Variants in ARID1B observed in about 807,000 individuals in gnomAD.
ARID1B encodes the protein AT-rich interaction domain 1B, also known as AT-rich interactive domain-containing protein 1B.
In ARID1B, 30 loss-of-function variants were observed where a neutral mutation model predicts 212.3. The observed-to-expected ratio is 0.14, with a 90% CI of 0.11 to 0.19. The LOEUF (loss-of-function observed/expected upper bound fraction) is 0.19. Among genes scored for constraint, ARID1B ranks in the 10% least tolerant of loss-of-function variants. The pLI, the probability that ARID1B is intolerant of heterozygous loss-of-function variation, is 1.00. For synonymous variants in ARID1B, 1,402 were observed against 1,301.7 expected, an observed-to-expected ratio of 1.08 and a Z score of -1.66; for missense variants, 2,891 against 3,204.0, an observed-to-expected ratio of 0.90 and a Z score of 2.36.
At chr6:157,180,549 A>G (rs1792436810) in intron 11 of ARID1B, among the ~76,000 whole-genome samples, 1 of 152,208 alleles carries the variant, frequency 6.6e-6, no homozygotes, top group South Asian at 2.1e-4. Context: ...AAGGAAAAGT[A>G]GGAGTCCATT....
intron 4 of ARID1B, among the ~76,000 whole-genome samples, chr6:157,058,224 A>C (rs890801719): frequency 6.6e-6 from 1 of 151,938 alleles, no homozygotes; most frequent in Non-Finnish European, 1.5e-5. Flanking sequence ...CTTTTCTCTA[A>C]ATTATTATCA....
Position 157,208,566 on chromosome 6 carries a change from C to T in ARID1B, c.*675C>T, listed in dbSNP as rs1794624014. ...ACGATCCGGAAACTGCTCCTCACCA[C>T]TCCCGTCATGCCTGCTGTCGGCGTT... On this transcript the variant is annotated 3_prime_UTR_variant, in exon 20 of 20. Coordinates refer to ENST00000636930, the MANE Select transcript of ARID1B (RefSeq NM_001374828.1). 2 of 233,068 alleles carry T rather than the reference C, an allele frequency of 8.6e-6. No individual in the cohort carries two copies. Among genetic ancestry groups the T allele is most frequent in the Non-Finnish European group, 1.7e-5 (2 of 117,754 alleles). The allele number at this position is 233,068 out of a possible 1,614,324, so 14.4% of individuals were successfully genotyped here.
chr6:156,778,096 G>T lies in ARID1B; in HGVS notation c.416G>T (p.Gly139Val). The change falls in exon 1 of 20, where the codon GGC becomes GTC. Residue 139 changes from glycine to valine, a missense_variant. By Grantham distance (109) the Gly-to-Val change is moderately radical. Transcript: ENST00000636930. ...AASSSSSSGP[G>V]SAMETGLLPN... ...TCCTCTTCCTCCTCGTCGGGCCCGG[G>T]CTCGGCCATGGAGACGGGGCTGCTC... The T allele has an allele frequency of 1.3e-6, 2 of 1,540,382 alleles. No homozygotes were observed. The highest frequency in any genetic ancestry group is 8.7e-7 in the Non-Finnish European group (1 of 1,146,236).
At position 156,778,981 on chromosome 6, in the gene ARID1B, G is replaced by GC; in HGVS notation, c.1301_1302insC (p.Gly435ArgfsTer183). 7.8e-7 allele frequency: 1 copy of GC among 1,274,840 alleles called. No individual in the cohort carries two copies. The highest frequency in any genetic ancestry group is 9.8e-7 in the Non-Finnish European group (1 of 1,020,918). 79.0% of individuals were successfully genotyped at this position (1,274,840 alleles called of 1,614,324 possible). The stretch of plus-strand genomic sequence containing the variant: ...GCCGCGGCGGCGGCGGCAGCAGCAG[G>GC]AGGCGGCGGCGGCGGCGGCTATGGG... On this transcript the variant is annotated frameshift_variant, in exon 1 of 20. Transcript: ENST00000636930. LOFTEE classifies it high-confidence loss of function.
chr6:157,049,337 G>C (rs550095687), intron 4 of ARID1B, among the ~76,000 whole-genome samples: 1 of 152,136 alleles, frequency 6.6e-6, no homozygotes, highest in Non-Finnish European at 1.5e-5. Flanking sequence ...TGGTAGCTGG[G>C]CAGTTTTCTC....
At chr6:157,023,172 ATAC>A (rs1287986043) in intron 4 of ARID1B, 1 of 152,208 alleles carries the variant, frequency 6.6e-6, no homozygotes, top group East Asian at 1.9e-4. Context: ...AGTGAGTTGC[ATAC>A]TAGGATATAC....
chr6:156,801,688 C>CT (rs533562206), intron 1 of ARID1B, among the ~76,000 whole-genome samples: 11 of 150,442 alleles, frequency 7.3e-5, no homozygotes, highest in African/African-American at 1.5e-4. Flanking sequence ...TGTGTTTTTG[C>CT]TTTTTTTTTA....
chr6:156,779,577 C>T (rs1180797444), intron 1 of ARID1B, 106 bp downstream of exon 1: 177 of 1,105,446 alleles, frequency 1.6e-4, no homozygotes, highest in Non-Finnish European at 1.9e-4. Flanking sequence ...CCCGCGGGGG[C>T]GGCGGGGGCG....
At chr6:156,833,359 A>G (rs1783275585) in intron 2 of ARID1B, among the ~76,000 whole-genome samples, 1 of 152,232 alleles carries the variant, frequency 6.6e-6, no homozygotes, top group Admixed American at 6.5e-5. Flanking sequence ...AGATTTTAAT[A>G]TAAAACGGCA....
chr6:156,834,483 C>G (rs1297348358), intron 2 of ARID1B, among the ~76,000 whole-genome samples: 1 of 152,162 alleles, frequency 6.6e-6, no homozygotes, highest in African/African-American at 2.4e-5. Flanking sequence ...AAAAACAGAA[C>G]ATTCATGTGA....
intron 4 of ARID1B, among the ~76,000 whole-genome samples, chr6:156,970,830 G>C (rs1470639173): frequency 1.3e-5 from 2 of 152,218 alleles, no homozygotes; most frequent in African/African-American, 4.8e-5. Flanking sequence ...CCCATCTTAT[G>C]CTGGACTCAG....
At chr6:157,123,187 T>A (rs1787868912) in intron 6 of ARID1B, among the ~76,000 whole-genome samples, 1 of 140,830 alleles carries the variant, frequency 7.1e-6, no homozygotes, top group Non-Finnish European at 1.6e-5. Flanking sequence ...TCTTTCTCTG[T>A]CTCTGTCTCT....
intron 2 of ARID1B, among the ~76,000 whole-genome samples, chr6:156,866,993 A>G (rs1213247323): frequency 6.6e-6 from 1 of 152,230 alleles, no homozygotes; most frequent in Admixed American, 6.5e-5. Flanking sequence ...TTCCCTGTAC[A>G]TGAATAGCTC....
intron 5 of ARID1B, among the ~76,000 whole-genome samples, chr6:157,086,722 GCT>G (rs1448148832): frequency 2.0e-5 from 3 of 152,246 alleles, no homozygotes; most frequent in Admixed American, 6.5e-5. Flanking sequence ...CAACAGAAAA[GCT>G]CACTTCGGGC....
intron 4 of ARID1B, among the ~76,000 whole-genome samples, chr6:157,049,079 C>A (rs1782420906): frequency 6.7e-6 from 1 of 150,360 alleles, no homozygotes. Flanking sequence ...GAGGCTGAGG[C>A]ACAAGAATCA....
intron 2 of ARID1B, among the ~76,000 whole-genome samples, chr6:156,897,191 A>ACTGCTGCTGCTGCTGCTGCTGCTG (rs576037969): frequency 6.2e-5 from 7 of 112,104 alleles, no homozygotes; most frequent in African/African-American, 2.0e-4. Flanking sequence ...TGCTGCTGCT[A>ACTGCTGCTGCTGCTGCTGCTGCTG]CTGCTGCTGC....
At chr6:157,154,969 G>T (rs574663826) in intron 8 of ARID1B, among the ~76,000 whole-genome samples, 1 of 152,092 alleles carries the variant, frequency 6.6e-6, no homozygotes, top group East Asian at 1.9e-4. Flanking sequence ...ATATCTAGTG[G>T]CAATCCTGCT....
At chr6:156,965,442 A>G (rs1794675045) in intron 4 of ARID1B, among the ~76,000 whole-genome samples, 1 of 152,236 alleles carries the variant, frequency 6.6e-6, no homozygotes, top group South Asian at 2.1e-4. Context: ...GGTGTCACTT[A>G]AGAAAAGTCA....
intron 2 of ARID1B, among the ~76,000 whole-genome samples, chr6:156,885,155 A>C (rs545284838): frequency 7.2e-5 from 11 of 152,148 alleles, no homozygotes; most frequent in Admixed American, 5.2e-4. Context: ...TCAGAACTAA[A>C]ATATTTTAGC....
Sources: gnomAD v4.1 joint callset for allele counts (sites outside exome capture counted in the v4.1 genomes callset) on GRCh38, gnomAD v4.1.1 for gene constraint, MANE v1.5 for transcripts, NCBI Gene and HGNC (gene_info 2026-07-23, HGNC 2026-07-21) for gene names.